NUP214: variants seen among roughly 807,000 people sequenced by gnomAD.
NUP214 encodes nucleoporin 214, also known as nuclear pore complex protein Nup214.
In NUP214, 79 loss-of-function variants were observed where a neutral mutation model predicts 196.2. The ratio of observed to expected loss-of-function variants is 0.40; its 90% CI spans 0.34 to 0.49. The LOEUF (loss-of-function observed/expected upper bound fraction) is 0.49. NUP214 is among the 20% of genes least tolerant of loss of function. The probability of loss-of-function intolerance (pLI) is 0.58; values close to 1 mark genes in which losing one functional copy is unlikely to be tolerated. For missense variants in NUP214, 2,468 were observed against 2,539.0 expected (o/e 0.97, Z 0.60); for synonymous variants, 1,020 against 990.5 (o/e 1.03, Z -0.56).
intron 23 of NUP214, among the ~76,000 whole-genome samples, chr9:131,176,504 A>T (rs1833126063): frequency 6.6e-6 from 1 of 151,772 alleles, no homozygotes; most frequent in Admixed American, 6.6e-5. Context: ...TATTTAAAAA[A>T]TTTTTGTAGA....
intron 30 of NUP214, among the ~76,000 whole-genome samples, chr9:131,212,853 A>T (rs1834284442): frequency 6.6e-6 from 1 of 152,210 alleles, no homozygotes; most frequent in Non-Finnish European, 1.5e-5. Flanking sequence ...CCACTGTAAT[A>T]AAGGATGAGA....
chr9:131,210,520 G>A (rs189251496), intron 30 of NUP214, among the ~76,000 whole-genome samples: 14 of 152,008 alleles, frequency 9.2e-5, no homozygotes, highest in East Asian at 3.9e-4. Flanking sequence ...CCAGCTACTC[G>A]GGAGGTTGAG....
intron 25 of NUP214, among the ~76,000 whole-genome samples, chr9:131,188,365 G>A (rs1011300211): frequency 1.3e-5 from 2 of 152,256 alleles, no homozygotes; most frequent in African/African-American, 4.8e-5. Flanking sequence ...TGGAAGGTCA[G>A]TCAGGCTAGT....
chr9:131,147,688 C>T, intron 14 of NUP214, 104 bp downstream of exon 14: 1 of 875,716 alleles, frequency 1.1e-6, no homozygotes, highest in Admixed American at 2.1e-5. Context: ...AGACCTTGGA[C>T]ATAGTAATTG....
At chr9:131,190,735 A>G (rs1388821712) in intron 26 of NUP214, 5 of 336,658 alleles carry the variant, frequency 1.5e-5, no homozygotes, top group Non-Finnish European at 2.7e-5. Flanking sequence ...TCTGTATTCC[A>G]GAGATCATGA....
chr9:131,217,610 A>G (rs572857102), intron 31 of NUP214, among the ~76,000 whole-genome samples: 1 of 152,240 alleles, frequency 6.6e-6, no homozygotes, highest in Non-Finnish European at 1.5e-5. Flanking sequence ...AGTCACAGAT[A>G]TAGAACTCAG....
Position 131,133,003 on chromosome 9 carries a change from GA to G in NUP214, c.728-102del, listed in dbSNP as rs950353556. 10 of 881,502 alleles carry G rather than the reference GA, an allele frequency of 1.1e-5. No individual in the cohort carries two copies. In the Admixed American group the frequency reaches 1.7e-4, roughly 15 times the overall value. 54.6% of individuals were successfully genotyped at this position (881,502 alleles called of 1,614,324 possible). On this transcript the variant is annotated intron_variant, in intron 6 of 35. Transcript: ENST00000359428. ...TTTAGTCAATGAAATCAGGGCCTTT[GA>G]TTTTTTTTTTATCCATAGTGGCTAT...
At chr9:131,164,211 G>T in intron 21 of NUP214, 67 bp downstream of exon 21, 1 of 1,420,100 alleles carries the variant, frequency 7.0e-7, no homozygotes, top group South Asian at 1.2e-5. Flanking sequence ...GTGTGTGCGC[G>T]CGCACATGCA....
At chr9:131,155,319 C>G (rs1832401152) in intron 17 of NUP214, among the ~76,000 whole-genome samples, 1 of 152,092 alleles carries the variant, frequency 6.6e-6, no homozygotes, top group Non-Finnish European at 1.5e-5. Flanking sequence ...TGTCCTTAGC[C>G]CACTTTTTGA....
At chr9:131,206,800 A>G (rs977948525) in intron 30 of NUP214, among the ~76,000 whole-genome samples, 1 of 152,200 alleles carries the variant, frequency 6.6e-6, no homozygotes, top group Admixed American at 6.5e-5. Context: ...TCCATGTATA[A>G]CTAACAAGCA....
chr9:131,207,158 A>G (rs1834109798), intron 30 of NUP214, among the ~76,000 whole-genome samples: 1 of 152,252 alleles, frequency 6.6e-6, no homozygotes, highest in Non-Finnish European at 1.5e-5. Context: ...AGAAAAATCC[A>G]GATGATGTAG....
chr9:131,196,861 G>A (rs1227508322), intron 28 of NUP214, among the ~76,000 whole-genome samples: 2 of 152,182 alleles, frequency 1.3e-5, no homozygotes, highest in Non-Finnish European at 2.9e-5. Flanking sequence ...GGCCATTGCT[G>A]TGCTGAGGAT....
rs965490356 is a variant in NUP214 at position 131,174,390 on chromosome 9, G to A, written c.3157+72G>A. ...TAACTAATGACGGAATTGTAACTGG[G>A]TCTTATACTGTCACACCAATATGGT... On this transcript the variant is annotated intron_variant, in intron 22 of 35. Coordinates refer to ENST00000359428, the MANE Select transcript of NUP214 (RefSeq NM_005085.4). 7.5e-5 allele frequency: 107 copies of A among 1,434,052 alleles called. 1 individual carries two copies. In the African/African-American group the frequency reaches 1.5e-3, roughly 21 times the overall value. The allele number at this position is 1,434,052 out of a possible 1,614,324, so 88.8% of individuals were successfully genotyped here.
chr9:131,139,884 C>T (rs1042939422), intron 10 of NUP214, among the ~76,000 whole-genome samples: 6 of 152,184 alleles, frequency 3.9e-5, no homozygotes, highest in African/African-American at 1.4e-4. Flanking sequence ...ATCTTCCCTG[C>T]AGTAGCTTGG....
At chr9:131,127,858 G>T in intron 2 of NUP214, 139 bp downstream of exon 2, 1 of 652,116 alleles carries the variant, frequency 1.5e-6, no homozygotes, top group East Asian at 2.8e-5. Flanking sequence ...AAGATTAATG[G>T]AAGCCTTTCT....
In NUP214 at chr9:131,215,340, T is replaced by G; in HGVS notation, c.5721T>G (p.Ser1907Arg). 1.2e-6 allele frequency: 2 copies of G among 1,601,910 alleles called. No individual in the cohort carries two copies. Among genetic ancestry groups the G allele is most frequent in the South Asian group, 2.2e-5 (2 of 89,500 alleles). Residue 1907 changes from serine to arginine, a missense_variant, in exon 31 of 36, where the codon AGT becomes AGG. Transcript: ENST00000359428. Reference protein sequence around the residue: ...AANKNPFSSASGGFGSTATSN... With the variant: ...AANKNPFSSARGGFGSTATSN... The stretch of plus-strand genomic sequence containing the variant: ...ACAAAAACCCATTCAGCTCGGCCAG[T>G]GGGGGCTTTGGATCCACAGCTACCT...
intron 9 of NUP214, 91 bp from the exon 10 acceptor site, chr9:131,139,190 A>C: frequency 1.5e-6 from 2 of 1,291,642 alleles, no homozygotes; most frequent in Non-Finnish European, 2.0e-6. Context: ...CTATTTGAAC[A>C]ATGTTAGGAG....
chr9:131,210,456 C>T (rs1288517047), intron 30 of NUP214, among the ~76,000 whole-genome samples: 1 of 151,996 alleles, frequency 6.6e-6, no homozygotes, highest in African/African-American at 2.4e-5. Flanking sequence ...AGTGAAACCC[C>T]ATCTCTACTA....
chr9:131,175,334 AC>A, intron 22 of NUP214, 125 bp from the exon 23 acceptor site: 1 of 1,098,454 alleles, frequency 9.1e-7, no homozygotes, highest in Non-Finnish European at 1.3e-6. Context: ...GTTTACTGGT[AC>A]TTTTCTATGT....
Sources: gnomAD v4.1 joint callset for allele counts (sites outside exome capture counted in the v4.1 genomes callset) on GRCh38, gnomAD v4.1.1 for gene constraint, MANE v1.5 for transcripts, NCBI Gene and HGNC (gene_info 2026-07-23, HGNC 2026-07-21) for gene names.